Variants in ERCC6L2 observed in about 807,000 individuals in gnomAD.
The protein encoded by ERCC6L2 is DNA excision repair protein ERCC-6-like 2.
In ERCC6L2, 77 loss-of-function variants were observed where a neutral mutation model predicts 132.0. That is an observed-to-expected ratio of 0.58 (90% CI 0.49 to 0.71). ERCC6L2 has a LOEUF of 0.71. ERCC6L2 is among the 30% of genes least tolerant of loss of function. The pLI is 0.00. For missense variants in ERCC6L2, 1,542 were observed against 1,837.6 expected (o/e 0.84, Z 2.94); for synonymous variants, 583 against 632.4 (o/e 0.92, Z 1.17).
At chr9:96,022,936 C>T (rs940237556), downstream of ERCC6L2, among the ~76,000 whole-genome samples, 2 of 152,188 alleles carry the variant, frequency 1.3e-5, no homozygotes, top group African/African-American at 4.8e-5. Context: ...GGCCACTTAG[C>T]GCGCTCTCCC....
chr9:95,914,724 G>C (rs752995588), intron 4 of ERCC6L2, among the ~76,000 whole-genome samples: 40 of 152,248 alleles, frequency 2.6e-4, no homozygotes, highest in Non-Finnish European at 5.1e-4. Context: ...ATAGTCTGTA[G>C]CATGTCTTTT....
In ERCC6L2 at chr9:95,897,967, A is replaced by T; in HGVS notation, c.590A>T (p.Lys197Ile). ...AAGGAACCCCTTTCTTCTACAGCAA[A>T]AAAGGTAAAATCTCTAGACAATGTA... is the stretch of plus-strand genomic sequence containing the variant. Reference protein sequence around the residue: ...MKKEPLSSTAKKMFLIVAPLS... With the variant: ...MKKEPLSSTAIKMFLIVAPLS... Residue 197 changes from lysine (K) to isoleucine (I), a missense_variant, in exon 3 of 19, where the codon AAA becomes ATA. Lys to Ile is a moderately radical substitution (Grantham distance 102, BLOSUM62 -3). Coordinates refer to ENST00000653738, the MANE Select transcript of ERCC6L2 (RefSeq NM_020207.7). 6.2e-7 allele frequency: 1 copy of T among 1,606,566 alleles called. No individual in the cohort carries two copies. The highest frequency in any genetic ancestry group is 8.5e-7 in the Non-Finnish European group (1 of 1,177,448).
At chr9:95,930,939 C>G (rs895542335) in intron 11 of ERCC6L2, among the ~76,000 whole-genome samples, 14 of 152,110 alleles carry the variant, frequency 9.2e-5, no homozygotes, top group African/African-American at 3.1e-4. Context: ...TTAATGTTTT[C>G]AATAAGCCCT....
intron 9 of ERCC6L2, among the ~76,000 whole-genome samples, 169 bp downstream of exon 9, chr9:95,923,548 C>T (rs1037709924): frequency 1.3e-5 from 2 of 152,100 alleles, no homozygotes; most frequent in Non-Finnish European, 2.9e-5. Context: ...ACTATGAACC[C>T]CGAATACAGA....
chr9:95,990,681 T>A (rs1238697921), intron 17 of ERCC6L2, among the ~76,000 whole-genome samples: 1 of 152,144 alleles, frequency 6.6e-6, no homozygotes, highest in Non-Finnish European at 1.5e-5. Flanking sequence ...AACCAGCCAG[T>A]CACTCCTCTC....
chr9:95,971,872 C>G, intron 15 of ERCC6L2, 61 bp from the exon 16 acceptor site: 1 of 1,117,790 alleles, frequency 8.9e-7, no homozygotes, highest in Non-Finnish European at 1.2e-6. Flanking sequence ...GAGTACTTTT[C>G]AGTTGATTCC....
chr9:95,963,375 C>G (rs1408050128), intron 13 of ERCC6L2, among the ~76,000 whole-genome samples: 1 of 151,822 alleles, frequency 6.6e-6, no homozygotes, highest in Non-Finnish European at 1.5e-5. Context: ...ATGTATTTCC[C>G]CAAAGAAGCA....
intron 14 of ERCC6L2, chr9:95,968,635 A>G (rs1384297369): frequency 6.6e-6 from 1 of 152,176 alleles, no homozygotes. Flanking sequence ...AAAAATTTGA[A>G]TATTTACACT....
At chr9:95,908,169 C>T (rs1313006967) in intron 4 of ERCC6L2, among the ~76,000 whole-genome samples, 4 of 152,140 alleles carry the variant, frequency 2.6e-5, no homozygotes, top group Non-Finnish European at 5.9e-5. Flanking sequence ...TTCTCCTCAA[C>T]CCCCATTCCA....
chr9:95,917,718 T>C (rs757064074), intron 6 of ERCC6L2, among the ~76,000 whole-genome samples: 17 of 152,280 alleles, frequency 1.1e-4, no homozygotes, highest in Non-Finnish European at 2.1e-4. Context: ...CAAATACTAT[T>C]TGATTAGAGT....
At chr9:95,924,633 A>G (rs1343302375) in intron 9 of ERCC6L2, among the ~76,000 whole-genome samples, 1 of 152,128 alleles carries the variant, frequency 6.6e-6, no homozygotes, top group Non-Finnish European at 1.5e-5. Flanking sequence ...TTCACTAAAA[A>G]ATTGCCAGTC....
In ERCC6L2 at chr9:95,928,806, A is replaced by G. The variant is rs1489310647; in HGVS notation, c.1693A>G (p.Lys565Glu). 1 of 1,612,840 alleles carries G rather than the reference A, an allele frequency of 6.2e-7. No individual in the cohort carries two copies. Among genetic ancestry groups the G allele is most frequent in the Non-Finnish European group, 8.5e-7 (1 of 1,179,312 alleles). ...DGSTKSEERL[K>E]IVKEFNSTQD... ...AAGTACAAAATCAGAGGAAAGACTC[A>G]AGATTGTAAAAGAGTTCAACAGTAC... Residue 565 changes from lysine to glutamate, a missense_variant, in exon 11 of 19, where the codon AAG (lysine) becomes GAG (glutamate). Lys to Glu is a moderately conservative substitution (Grantham distance 56, BLOSUM62 1). Around this residue, in one of 4 missense-constraint regions of ERCC6L2, gnomAD observed 945 missense variants for 1,105.2 expected, o/e 0.86. Transcript: ENST00000653738.
rs375120161 is a variant in ERCC6L2, at chr9:95,941,886, G to A, written c.1847+337G>A. 2.6e-4 allele frequency among the ~76,000 whole-genome samples: 40 copies of A among 152,254 alleles called. 1 individual carries two copies. The Middle Eastern group carries it at 0.014, about 52-fold the overall frequency. Reference sequence around the variant, plus strand: ...GAAAGCAAGTAGAATCTGTGATCAGGGTATCCGCAGAGAAATACTACAATC... The same window carrying A: ...GAAAGCAAGTAGAATCTGTGATCAGAGTATCCGCAGAGAAATACTACAATC... On this transcript the variant is annotated intron_variant, in intron 12 of 18. Coordinates refer to ENST00000653738, the MANE Select transcript of ERCC6L2 (RefSeq NM_020207.7).
chr9:95,907,725 T>C (rs1428798008), intron 4 of ERCC6L2, among the ~76,000 whole-genome samples: 1 of 151,956 alleles, frequency 6.6e-6, no homozygotes, highest in Non-Finnish European at 1.5e-5. Flanking sequence ...CTAAATCTCA[T>C]GTACAGCCTT....
rs374866285 is a variant in ERCC6L2, at chr9:95,981,761, T to G, written c.3492+3546T>G. Among the ~76,000 whole-genome samples the G allele has an allele frequency of 3.9e-5, 6 of 152,190 alleles. No homozygotes were observed. In the East Asian group the frequency reaches 5.8e-4, roughly 15 times the overall value. ...GGAGCTGAACTGTACCTGTTTGTGA[T>G]GTGATACCTCCTTTTCTCAGTCAAC... On this transcript the variant is annotated intron_variant, in intron 17 of 18. Transcript: ENST00000653738.
intron 13 of ERCC6L2, among the ~76,000 whole-genome samples, chr9:95,962,730 C>A (rs994035666): frequency 6.6e-6 from 1 of 152,204 alleles, no homozygotes; most frequent in Middle Eastern, 3.4e-3. Flanking sequence ...AAAATGATAC[C>A]TATTTATGTA....
In ERCC6L2 at chr9:95,875,993, T is replaced by C; in HGVS notation, c.-46T>C. The C allele has an allele frequency of 1.9e-6, 3 of 1,562,058 alleles. No individual in the cohort carries two copies. The highest frequency in any genetic ancestry group is 2.6e-6 in the Non-Finnish European group (3 of 1,154,138). ...AGCCACCTTGCTGTCCTCCGCCGCCTTCCGGGTGTTACATGCAGCCGGGCT... is the reference window on the plus strand; with the variant it reads ...AGCCACCTTGCTGTCCTCCGCCGCCCTCCGGGTGTTACATGCAGCCGGGCT... On this transcript the variant is annotated 5_prime_UTR_variant, in exon 1 of 19. Coordinates refer to ENST00000653738, the MANE Select transcript of ERCC6L2 (RefSeq NM_020207.7).
chr9:96,023,441 CT>C (rs1355362529), downstream of ERCC6L2, among the ~76,000 whole-genome samples: 1 of 152,182 alleles, frequency 6.6e-6, no homozygotes, highest in African/African-American at 2.4e-5. Context: ...TGTTTCCCCC[CT>C]AACTCTTCCA....
At chr9:95,922,937 G>T (rs1829939265) in intron 8 of ERCC6L2, among the ~76,000 whole-genome samples, 1 of 152,076 alleles carries the variant, frequency 6.6e-6, no homozygotes, top group South Asian at 2.1e-4. Flanking sequence ...CCATTTAAAT[G>T]TAATTTTGAA....
Sources: allele counts gnomAD v4.1 joint callset (sites outside exome capture counted in the v4.1 genomes callset), GRCh38; gene constraint gnomAD v4.1.1; regional missense constraint gnomAD v4.1.1; transcripts MANE v1.5; gene names NCBI Gene and HGNC (gene_info 2026-07-23, HGNC 2026-07-21).